SSBP2: variants seen among roughly 807,000 people sequenced by gnomAD.
SSBP2 encodes single-stranded DNA-binding protein 2.
Under a neutral mutation model 61.8 loss-of-function variants are expected in SSBP2, and 17 were observed. The observed-to-expected ratio is 0.28, with a 90% confidence interval of 0.19 to 0.41. SSBP2 has a LOEUF of 0.41. SSBP2 is among the 10% of genes least tolerant of loss of function. SSBP2 has a pLI of 1.00. For missense variants in SSBP2, 310 were observed against 458.7 expected, an observed-to-expected ratio of 0.68 and a Z score of 2.96; for synonymous variants, 139 against 141.3, an observed-to-expected ratio of 0.98 and a Z score of 0.12.
At chr5:81,492,246 T>C (rs1302474644) in intron 5 of SSBP2, among the ~76,000 whole-genome samples, 2 of 152,212 alleles carry the variant, frequency 1.3e-5, no homozygotes, top group Non-Finnish European at 2.9e-5. Flanking sequence ...CTCATGCCTG[T>C]AATCCCAGCA....
chr5:81,616,311 T>A (rs1356008090), intron 3 of SSBP2: 1 of 145,490 alleles, frequency 6.9e-6, no homozygotes, highest in Non-Finnish European at 1.5e-5. Context: ...GGTCAGGGAG[T>A]TCCCTTTCCG....
intron 2 of SSBP2, among the ~76,000 whole-genome samples, chr5:81,639,510 T>C (rs1257928608): frequency 6.6e-6 from 1 of 151,720 alleles, no homozygotes; most frequent in Non-Finnish European, 1.5e-5. Flanking sequence ...ATTATGTTTA[T>C]ATGAGAAGGT....
chr5:81,728,482 A>C (rs1189079735), intron 1 of SSBP2, among the ~76,000 whole-genome samples: 1 of 152,166 alleles, frequency 6.6e-6, no homozygotes, highest in Non-Finnish European at 1.5e-5. Context: ...GGAGTCAGAA[A>C]ATTTCAGTTA....
At chr5:81,483,610 G>C (rs1313199650) in intron 6 of SSBP2, among the ~76,000 whole-genome samples, 1 of 152,070 alleles carries the variant, frequency 6.6e-6, no homozygotes, top group African/African-American at 2.4e-5. Context: ...TACATTGCTG[G>C]CTTTTGGACC....
intron 3 of SSBP2, among the ~76,000 whole-genome samples, chr5:81,634,397 T>C (rs940505908): frequency 3.3e-5 from 5 of 152,186 alleles, no homozygotes; most frequent in African/African-American, 4.8e-5. Flanking sequence ...ATTTCTTAAA[T>C]GTATTTGATT....
At chr5:81,502,806 T>C (rs1403094231) in intron 5 of SSBP2, among the ~76,000 whole-genome samples, 1 of 152,180 alleles carries the variant, frequency 6.6e-6, no homozygotes, top group Non-Finnish European at 1.5e-5. Flanking sequence ...TGGATCAAAA[T>C]TGACAAATGG....
chr5:81,591,236 A>C (rs1413459208), intron 4 of SSBP2, among the ~76,000 whole-genome samples: 1 of 152,154 alleles, frequency 6.6e-6, no homozygotes, highest in African/African-American at 2.4e-5. Flanking sequence ...AGCACAAACA[A>C]AACCCAAGCC....
intron 10 of SSBP2, among the ~76,000 whole-genome samples, chr5:81,454,763 C>CATAT (rs537748473): frequency 1.3e-5 from 2 of 150,752 alleles, no homozygotes; most frequent in African/African-American, 4.9e-5. Flanking sequence ...AAAGAAAATA[C>CATAT]ATATATATAT....
intron 1 of SSBP2, among the ~76,000 whole-genome samples, chr5:81,735,983 T>A (rs1038754165): frequency 6.6e-6 from 1 of 152,212 alleles, no homozygotes. Context: ...TGTTCTCAAG[T>A]TGGTAGAAAA....
At chr5:81,435,238 G>T (rs761338084) in intron 15 of SSBP2, among the ~76,000 whole-genome samples, 1 of 152,200 alleles carries the variant, frequency 6.6e-6, no homozygotes, top group South Asian at 2.1e-4. Context: ...TGATCTCCTC[G>T]TTAAACTGAA....
intron 10 of SSBP2, among the ~76,000 whole-genome samples, chr5:81,454,566 A>T (rs1168293666): frequency 6.6e-6 from 1 of 152,100 alleles, no homozygotes. Flanking sequence ...CTGTAATCCT[A>T]GCTACTCGGG....
chr5:81,523,885 G>T (rs1217147000), intron 4 of SSBP2, among the ~76,000 whole-genome samples: 1 of 151,958 alleles, frequency 6.6e-6, no homozygotes, highest in Non-Finnish European at 1.5e-5. Flanking sequence ...ACAAGGAAAA[G>T]GTGTTAGAAA....
chr5:81,673,604 G>GA (rs562143017), intron 1 of SSBP2, among the ~76,000 whole-genome samples: 3 of 151,862 alleles, frequency 2.0e-5, no homozygotes, highest in Non-Finnish European at 4.4e-5. Flanking sequence ...ATAAGAACTA[G>GA]AAAAAAAGAG....
chr5:81,477,031 G>C (rs1765640441), intron 6 of SSBP2, among the ~76,000 whole-genome samples: 1 of 151,904 alleles, frequency 6.6e-6, no homozygotes, highest in African/African-American at 2.4e-5. Context: ...TTGTGTGTGT[G>C]TAACATACCC....
intron 4 of SSBP2, among the ~76,000 whole-genome samples, chr5:81,573,854 T>G (rs1443173150): frequency 6.6e-6 from 1 of 152,150 alleles, no homozygotes; most frequent in Non-Finnish European, 1.5e-5. Context: ...AAAACCATTA[T>G]GCTTGACCAG....
At chr5:81,526,098 C>T (rs1434499862) in intron 4 of SSBP2, among the ~76,000 whole-genome samples, 2 of 151,992 alleles carry the variant, frequency 1.3e-5, no homozygotes, top group African/African-American at 4.8e-5. Context: ...AAGCACATCT[C>T]CTCTGAAAGA....
At chr5:81,451,348 G>C (rs1763757138) in intron 10 of SSBP2, among the ~76,000 whole-genome samples, 1 of 149,740 alleles carries the variant, frequency 6.7e-6, no homozygotes, top group Non-Finnish European at 1.5e-5. Context: ...AAAAAACTTT[G>C]TTTATTTCCA....
At chr5:81,671,937 G>T (rs947510974) in intron 1 of SSBP2, among the ~76,000 whole-genome samples, 3 of 151,852 alleles carry the variant, frequency 2.0e-5, no homozygotes, top group African/African-American at 7.3e-5. Context: ...TAGCATGAAA[G>T]AATTATCTAC....
intron 1 of SSBP2, among the ~76,000 whole-genome samples, chr5:81,729,077 C>CA (rs1356909907): frequency 6.6e-6 from 1 of 152,014 alleles, no homozygotes; most frequent in Non-Finnish European, 1.5e-5. Flanking sequence ...ATACATATAT[C>CA]AAAACACCGT....
Sources: allele counts gnomAD v4.1 joint callset (sites outside exome capture counted in the v4.1 genomes callset), GRCh38; gene constraint gnomAD v4.1.1; transcripts MANE v1.5; gene names NCBI Gene and HGNC (gene_info 2026-07-23, HGNC 2026-07-21).